The following PRKG1 variants were observed in gnomAD, a reference collection of about 807,000 sequenced individuals.
PRKG1 encodes the protein protein kinase cGMP-dependent 1.
A neutral mutation model predicts 88.1 loss-of-function variants in PRKG1; 35 were observed. The observed-to-expected ratio is 0.40, with a 90% confidence interval of 0.30 to 0.53. The LOEUF (loss-of-function observed/expected upper bound fraction) is 0.53. Among genes scored for constraint, PRKG1 ranks in the 20% least tolerant of loss-of-function variants. The probability of loss-of-function intolerance (pLI) is 0.59; values close to 1 mark genes in which losing one functional copy is unlikely to be tolerated. For synonymous variants in PRKG1, 303 were observed against 292.5 expected (o/e 1.04, Z -0.37); for missense variants, 540 against 839.8 (o/e 0.64, Z 4.41).
At chr10:51,210,610 G>A (rs566487194) in intron 2 of PRKG1, among the ~76,000 whole-genome samples, 63 of 152,042 alleles carry the variant, frequency 4.1e-4, no homozygotes, top group Middle Eastern at 6.8e-3. Context: ...TCAAATAGAC[G>A]CAATAAAAAA....
chr10:51,836,610 C>G (rs1472599419), intron 4 of PRKG1, among the ~76,000 whole-genome samples: 3 of 152,026 alleles, frequency 2.0e-5, no homozygotes, highest in African/African-American at 7.2e-5. Context: ...AGACAAAGGT[C>G]TATTTTCATT....
At chr10:51,075,565 T>C (rs1018672475) in intron 1 of PRKG1, among the ~76,000 whole-genome samples, 1 of 152,204 alleles carries the variant, frequency 6.6e-6, no homozygotes, top group Admixed American at 6.5e-5. Flanking sequence ...AGGGAGAAGA[T>C]TGCTTATTTT....
At chr10:51,103,886 C>T (rs1370525375) in intron 1 of PRKG1, among the ~76,000 whole-genome samples, 1 of 152,148 alleles carries the variant, frequency 6.6e-6, no homozygotes, top group Non-Finnish European at 1.5e-5. Flanking sequence ...AAAACAACAG[C>T]TGCTAACAAT....
chr10:51,655,600 A>AAT (rs1840142507), intron 3 of PRKG1, among the ~76,000 whole-genome samples: 1 of 152,050 alleles, frequency 6.6e-6, no homozygotes, highest in African/African-American at 2.4e-5. Flanking sequence ...AGGAAAAAAA[A>AAT]ATATATATAC....
chr10:51,554,452 A>G (rs1480249604), intron 3 of PRKG1, among the ~76,000 whole-genome samples: 2 of 148,366 alleles, frequency 1.3e-5, no homozygotes, highest in Non-Finnish European at 3.0e-5. Context: ...GTATATATAT[A>G]TCACTAAGAG....
chr10:51,799,854 T>A (rs1839120682), intron 3 of PRKG1, among the ~76,000 whole-genome samples: 1 of 151,976 alleles, frequency 6.6e-6, no homozygotes, highest in Non-Finnish European at 1.5e-5. Flanking sequence ...TTTGTCAGTT[T>A]GGTGAAGCAT....
chr10:52,082,842 T>G (rs1846814039), intron 7 of PRKG1, among the ~76,000 whole-genome samples: 1 of 152,154 alleles, frequency 6.6e-6, no homozygotes, highest in South Asian at 2.1e-4. Flanking sequence ...ATAACCAATT[T>G]CAGTAGGTTT....
rs1261936277 is a variant in PRKG1 at position 51,858,381 on chromosome 10, T to A, written c.699-49126T>A. Among the ~76,000 whole-genome samples the A allele has an allele frequency of 7.0e-5, 2 of 28,524 alleles. 1 individual carries two copies. The highest frequency in any genetic ancestry group is 1.9e-4 in the African/African-American group (2 of 10,324). 18.7% of individuals were successfully genotyped at this position (28,524 alleles called of 152,430 possible). ...TATATTATATATAATATATATAAAA[T>A]ATATATATAATATATATAATATATA... On this transcript the variant is annotated intron_variant, in intron 4 of 17. Coordinates refer to ENST00000373980, the MANE Select transcript of PRKG1 (RefSeq NM_006258.4).
At chr10:52,201,964 T>C (rs1436074565) in intron 9 of PRKG1, among the ~76,000 whole-genome samples, 1 of 152,184 alleles carries the variant, frequency 6.6e-6, no homozygotes, top group Non-Finnish European at 1.5e-5. Context: ...GTAGAGACTA[T>C]GAAGTTTTAT....
At position 52,208,162 on chromosome 10, in the gene PRKG1, T is replaced by C. The variant is rs974689468; in HGVS notation, c.1077-43408T>C. 7.9e-5 allele frequency among the ~76,000 whole-genome samples: 12 copies of C among 152,308 alleles called. 1 individual carries two copies. In the South Asian group the frequency reaches 1.4e-3, roughly 18 times the overall value. ...TAAGCACACTGTCTTGTGACCATAGTTATGATCTTGTTATAGCTTTGCTTT... is the reference window on the plus strand; with the variant it reads ...TAAGCACACTGTCTTGTGACCATAGCTATGATCTTGTTATAGCTTTGCTTT... On this transcript the variant is annotated intron_variant, in intron 9 of 17. Coordinates refer to ENST00000373980, the MANE Select transcript of PRKG1 (RefSeq NM_006258.4).
chr10:51,081,020 A>T lies in PRKG1; in HGVS notation c.311+6119A>T, dbSNP rs138609465. 3.8e-3 allele frequency among the ~76,000 whole-genome samples: 577 copies of T among 152,336 alleles called. 3 individuals carry two copies. Among genetic ancestry groups the T allele is most frequent in the Middle Eastern group, 6.8e-3 (2 of 294 alleles). On this transcript the variant is annotated intron_variant, in intron 1 of 17. Coordinates refer to ENST00000373980, the MANE Select transcript of PRKG1 (RefSeq NM_006258.4). ...AAACAGATGTTTAACACAATGTGGA[A>T]CTAATAGTACACTCTCAAAACTGTC... is the stretch of plus-strand genomic sequence containing the variant.
chr10:50,995,218 G>A (rs1283353642), intron 1 of PRKG1, among the ~76,000 whole-genome samples: 1 of 152,144 alleles, frequency 6.6e-6, no homozygotes, highest in Non-Finnish European at 1.5e-5. Flanking sequence ...GAAGGAAATG[G>A]AATTCATTAA....
At chr10:51,850,418 C>G (rs1326467731) in intron 4 of PRKG1, among the ~76,000 whole-genome samples, 1 of 152,090 alleles carries the variant, frequency 6.6e-6, no homozygotes, top group Non-Finnish European at 1.5e-5. Context: ...CTCAGATGAT[C>G]CACCTGCCTT....
At chr10:51,891,523 T>A (rs1257513685) in intron 4 of PRKG1, among the ~76,000 whole-genome samples, 1 of 152,204 alleles carries the variant, frequency 6.6e-6, no homozygotes, top group Non-Finnish European at 1.5e-5. Flanking sequence ...CTTGCATTTA[T>A]TCTAAAAGGT....
At chr10:51,306,176 T>A (rs1443864616) in intron 2 of PRKG1, among the ~76,000 whole-genome samples, 2 of 152,248 alleles carry the variant, frequency 1.3e-5, no homozygotes, top group Non-Finnish European at 2.9e-5. Context: ...AGTCAAAGTC[T>A]GCTTTCTTTT....
chr10:51,650,498 T>G (rs1319928395), intron 3 of PRKG1, among the ~76,000 whole-genome samples: 1 of 152,224 alleles, frequency 6.6e-6, no homozygotes, highest in African/African-American at 2.4e-5. Flanking sequence ...CACATTACTC[T>G]TAGTTCTTAG....
intron 9 of PRKG1, among the ~76,000 whole-genome samples, chr10:52,211,411 C>T (rs1212647984): frequency 3.9e-5 from 6 of 152,108 alleles, no homozygotes; most frequent in African/African-American, 1.4e-4. Flanking sequence ...TCTTCATAAT[C>T]CAATGAACAA....
chr10:51,777,282 T>G (rs1055288609), intron 3 of PRKG1, among the ~76,000 whole-genome samples: 2 of 152,074 alleles, frequency 1.3e-5, no homozygotes, highest in African/African-American at 4.8e-5. Flanking sequence ...AGAAGAAGCA[T>G]TTGACATTCA....
chr10:51,102,446 A>G (rs1247694826), intron 1 of PRKG1, among the ~76,000 whole-genome samples: 1 of 152,130 alleles, frequency 6.6e-6, no homozygotes, highest in Non-Finnish European at 1.5e-5. Context: ...TGGAAAAAAA[A>G]AACAGGCAGA....
Sources: gnomAD v4.1 joint callset for allele counts (sites outside exome capture counted in the v4.1 genomes callset) on GRCh38, gnomAD v4.1.1 for gene constraint, MANE v1.5 for transcripts, NCBI Gene and HGNC (gene_info 2026-07-23, HGNC 2026-07-21) for gene names.